Variants in DLEU7 observed in about 807,000 individuals in gnomAD.
The protein encoded by DLEU7 is leukemia-associated protein 7.
DLEU7 carries 17 observed loss-of-function variants against 16.0 expected under a neutral mutation model. That is an observed-to-expected ratio of 1.06 (90% CI 0.73 to 1.59). The LOEUF (loss-of-function observed/expected upper bound fraction) is 1.59. Ranked by LOEUF, DLEU7 falls within the 40% of genes most tolerant of loss-of-function variation. The pLI is 0.00. For synonymous variants in DLEU7, 113 were observed against 139.8 expected (o/e 0.81, Z 1.35); for missense variants, 308 against 314.9 (o/e 0.98, Z 0.17).
At chr13:50,812,785 T>C (rs1425656796) in intron 1 of DLEU7, among the ~76,000 whole-genome samples, 3 of 152,104 alleles carry the variant, frequency 2.0e-5, no homozygotes, top group Admixed American at 1.3e-4. Context: ...TGTATGTATA[T>C]GTATAAGTCT....
intron 1 of DLEU7, among the ~76,000 whole-genome samples, chr13:50,744,843 G>A (rs1288041490): frequency 3.9e-5 from 6 of 152,114 alleles, no homozygotes; most frequent in East Asian, 1.9e-4. Flanking sequence ...TAATCATTAC[G>A]GAAATGCAGA....
In DLEU7 at chr13:50,767,949, TC is replaced by T. The variant is rs573446654; in HGVS notation, c.460-54710del. ...TCAGCAGTCCCACGGGACAAACACT[TC>T]TGCCATTCTGTGACTTGCTTTTGTT... On this transcript the variant is annotated intron_variant, in intron 1 of 1. Coordinates refer to the DLEU7 transcript ENST00000400393. Among the ~76,000 whole-genome samples the T allele has an allele frequency of 2.6e-5, 4 of 152,324 alleles. No individual in the cohort carries two copies. In the South Asian group the frequency reaches 8.3e-4, roughly 32 times the overall value.
At chr13:50,821,464 G>A (rs1876902069), downstream of DLEU7, among the ~76,000 whole-genome samples, 2 of 152,142 alleles carry the variant, frequency 1.3e-5, no homozygotes, top group Admixed American at 6.6e-5. Context: ...AATCTTGACA[G>A]CAGATTTACC....
rs760941872 is a variant in DLEU7 at position 50,843,315 on chromosome 13, G to A, written c.332C>T (p.Thr111Ile). 1.3e-6 allele frequency: 2 copies of A among 1,519,724 alleles called. No homozygotes were observed. The highest frequency in any genetic ancestry group is 1.2e-5 in the South Asian group (1 of 80,926). 94.1% of individuals were successfully genotyped at this position (1,519,724 alleles called of 1,614,324 possible). ...GCTGCGCATCGCCATCTGGGCCAGG[G>A]TGCAGGGCCCGCGGTCCCGGGGGAA... The part of the protein sequence containing the change: ...LPFPRDRGPC[T>I]LAQMAMRSAL... Residue 111 changes from threonine to isoleucine, a missense_variant, in exon 1 of 2, where the codon ACC (threonine) becomes ATC (isoleucine). By Grantham distance (89) the Thr-to-Ile change is moderately conservative. Coordinates refer to ENST00000504404, the MANE Select transcript of DLEU7 (RefSeq NM_001306135.2). The surrounding 1 kb of genome is among the most constrained non-coding windows in gnomAD (Gnocchi z 5.7).
rs193183137 is a variant in DLEU7, at chr13:50,815,955, A to C, written c.459+27233T>G. On this transcript the variant is annotated intron_variant, in intron 1 of 1. Coordinates refer to the DLEU7 transcript ENST00000400393. The stretch of plus-strand genomic sequence containing the variant: ...GGGCTGCAGAAAAGTACAATTTTAT[A>C]ATATAAAGTGGGTATCATGGTAAAC... Among the ~76,000 whole-genome samples the C allele has an allele frequency of 6.6e-5, 10 of 152,274 alleles. No individual in the cohort carries two copies. The East Asian group carries it at 1.9e-3, about 29-fold the overall frequency.
At chr13:50,756,329 C>T (rs1874757181) in intron 1 of DLEU7, among the ~76,000 whole-genome samples, 1 of 152,066 alleles carries the variant, frequency 6.6e-6, no homozygotes, top group Admixed American at 6.5e-5. Flanking sequence ...AGGGAAGGCC[C>T]ATCAGGTAGG....
chr13:50,761,625 A>C (rs1874933844), intron 1 of DLEU7, among the ~76,000 whole-genome samples: 1 of 152,158 alleles, frequency 6.6e-6, no homozygotes, highest in Non-Finnish European at 1.5e-5. Flanking sequence ...GGAGAGATGG[A>C]GGAGACATGC....
At chr13:50,764,905 CAG>C (rs1355454721) in intron 1 of DLEU7, among the ~76,000 whole-genome samples, 2 of 133,952 alleles carry the variant, frequency 1.5e-5, no homozygotes, top group African/African-American at 6.6e-5. Context: ...TTGTTTGAGA[CAG>C]AGTCTCACTC....
At chr13:50,827,856 A>C (rs1230658815) in intron 1 of DLEU7, among the ~76,000 whole-genome samples, 3 of 152,214 alleles carry the variant, frequency 2.0e-5, no homozygotes, top group Non-Finnish European at 4.4e-5. Flanking sequence ...ACCTTTTGGA[A>C]GATAATGATT....
Position 50,825,465 on chromosome 13 carries a change from T to C in DLEU7, c.460-1945A>G, listed in dbSNP as rs186023146. ...AGTGTTCAGTGATTGAATGAATGAT[T>C]GGATGAATACATATTATTCTTGAAA... On this transcript the variant is annotated intron_variant, in intron 1 of 1. Transcript: ENST00000504404. 3.2e-3 allele frequency among the ~76,000 whole-genome samples: 492 copies of C among 152,336 alleles called. 1 individual carries two copies. Among genetic ancestry groups the C allele is most frequent in the African/African-American group, 0.011 (459 of 41,578 alleles).
chr13:50,725,524 A>T (rs534081837), intron 1 of DLEU7, among the ~76,000 whole-genome samples: 1 of 152,310 alleles, frequency 6.6e-6, no homozygotes, highest in South Asian at 2.1e-4. Flanking sequence ...GGGCTTGTGG[A>T]ATTAGCTATC....
chr13:50,754,740 T>A (rs1874701300), intron 1 of DLEU7, among the ~76,000 whole-genome samples: 1 of 152,176 alleles, frequency 6.6e-6, no homozygotes, highest in African/African-American at 2.4e-5. Flanking sequence ...GTACCTTGGT[T>A]TTTTTGTTTT....
chr13:50,843,117 C>T lies in DLEU7; in HGVS notation c.459+71G>A. ...ATCCTGCGATCCACCCATCGCCATC[C>T]CAGCAGCCCCACCCTTGGAGGATGG... is the stretch of plus-strand genomic sequence containing the variant. On this transcript the variant is annotated intron_variant, in intron 1 of 1. Transcript: ENST00000504404. This position sits in a 1 kb window ranked among gnomAD's most constrained non-coding sequence, Gnocchi z 5.7. 2 of 1,422,374 alleles carry T rather than the reference C, an allele frequency of 1.4e-6. No individual in the cohort carries two copies. The highest frequency in any genetic ancestry group is 1.5e-5 in the African/African-American group (1 of 66,684). 88.1% of individuals were successfully genotyped at this position (1,422,374 alleles called of 1,614,324 possible).
In DLEU7 at chr13:50,718,941, G is replaced by T. The variant is rs182421006; in HGVS notation, c.460-5701C>A. Among the ~76,000 whole-genome samples the T allele has an allele frequency of 2.2e-4, 33 of 152,232 alleles. No individual in the cohort carries two copies. The East Asian group carries it at 4.4e-3, about 20-fold the overall frequency. On this transcript the variant is annotated intron_variant, in intron 1 of 1. Coordinates refer to the DLEU7 transcript ENST00000400393. ...CAATGGGGGTTATAAAATAGGAAGG[G>T]TTTTCCTACTGTTTCTGTAATGAGG...
intron 1 of DLEU7, among the ~76,000 whole-genome samples, chr13:50,806,999 G>T (rs1365445792): frequency 8.2e-6 from 1 of 122,258 alleles, no homozygotes; most frequent in Non-Finnish European, 1.6e-5. Flanking sequence ...AAAAAAAAAA[G>T]TCGGTCTGCT....
chr13:50,720,640 C>T (rs1176022702), intron 1 of DLEU7, among the ~76,000 whole-genome samples: 1 of 152,192 alleles, frequency 6.6e-6, no homozygotes, highest in African/African-American at 2.4e-5. Flanking sequence ...TCCTCCTAAA[C>T]TTATCCTGTA....
At chr13:50,766,964 G>A (rs982927861) in intron 1 of DLEU7, among the ~76,000 whole-genome samples, 14 of 152,082 alleles carry the variant, frequency 9.2e-5, no homozygotes, top group Non-Finnish European at 1.8e-4. Flanking sequence ...TTTTTCTCCT[G>A]CCTGTCTGAA....
chr13:50,768,336 G>A (rs1244943205), intron 1 of DLEU7, among the ~76,000 whole-genome samples: 1 of 151,546 alleles, frequency 6.6e-6, no homozygotes, highest in African/African-American at 2.4e-5. Context: ...TGCACAATGT[G>A]CAGGTTTGTT....
chr13:50,795,895 T>C (rs1300150857), intron 1 of DLEU7, among the ~76,000 whole-genome samples: 1 of 152,194 alleles, frequency 6.6e-6, no homozygotes, highest in Non-Finnish European at 1.5e-5. Context: ...ACTGCAAATA[T>C]GTTAGGGCAA....
Sources: gnomAD v4.1 joint callset for allele counts (sites outside exome capture counted in the v4.1 genomes callset) on GRCh38, gnomAD v4.1.1 for gene constraint, Gnocchi (gnomAD v3.1) non-coding constraint, MANE v1.5 for transcripts, NCBI Gene and HGNC (gene_info 2026-07-23, HGNC 2026-07-21) for gene names.